NBPF26: variants seen among roughly 807,000 people sequenced by gnomAD.
NBPF26 encodes the protein NBPF member 26.
Under a neutral mutation model 119.6 loss-of-function variants are expected in NBPF26, and 79 were observed. The observed-to-expected ratio is 0.66, with a 90% CI of 0.55 to 0.80. NBPF26 has a LOEUF of 0.80. NBPF26 is among the 30% of genes least tolerant of loss of function. The pLI, the probability that NBPF26 is intolerant of heterozygous loss-of-function variation, is 0.00. For synonymous variants in NBPF26, 299 were observed against 457.7 expected, an observed-to-expected ratio of 0.65 and a Z score of 4.43; for missense variants, 800 against 1,198.2, an observed-to-expected ratio of 0.67 and a Z score of 4.91.
At position 120,759,054 on chromosome 1, in the gene NBPF26, C is replaced by T. The variant is rs1651105785; in HGVS notation, c.74-4574C>T. ...CTTATAGAAATAAGGTTCCTGAGGA[C>T]AGGGAGTTTATTCTGTATACTACGG... On this transcript the variant is annotated intron_variant, in intron 1 of 29. Coordinates refer to ENST00000620612, the Ensembl canonical transcript of NBPF26. Among the ~76,000 whole-genome samples, 3 of 102,412 alleles carry T rather than the reference C, an allele frequency of 2.9e-5. 1 individual carries two copies. Among genetic ancestry groups the T allele is most frequent in the Admixed American group, 2.9e-4 (3 of 10,350 alleles). The allele number at this position is 102,412 out of a possible 152,430, so 67.2% of individuals were successfully genotyped here.
chr1:120,818,901 A>G (rs1482190575), intron 15 of NBPF26, among the ~76,000 whole-genome samples: 2 of 105,536 alleles, frequency 1.9e-5, no homozygotes, highest in South Asian at 5.7e-4. Flanking sequence ...ACCTCCAACT[A>G]TGTGGTCAAT....
At chr1:120,793,316 C>A in exon 4 of NBPF26, 1 of 1,404,032 alleles carries the variant, frequency 7.1e-7, no homozygotes, top group Non-Finnish European at 9.6e-7. Flanking sequence ...CATTCCAGGA[C>A]ACTGCCAGCA....
chr1:120,807,259 C>A (rs1214215630), intron 5 of NBPF26, among the ~76,000 whole-genome samples: 2 of 126,380 alleles, frequency 1.6e-5, no homozygotes, highest in East Asian at 2.0e-4. Flanking sequence ...CTACTTCATG[C>A]CCCAGTGCAG....
chr1:120,745,132 AACAAAAAAAAAAC>A (rs1650966311), intron 1 of NBPF26, among the ~76,000 whole-genome samples: 1 of 94,618 alleles, frequency 1.1e-5, no homozygotes, highest in Non-Finnish European at 1.9e-5. Flanking sequence ...AAAAAAAAAA[AACAAAAAAAAAAC>A]AAAAAAAAGT....
At chr1:120,726,083 G>GA (rs1250865150) in intron 1 of NBPF26, among the ~76,000 whole-genome samples, 1 of 101,128 alleles carries the variant, frequency 9.9e-6, no homozygotes, top group Non-Finnish European at 1.8e-5. Flanking sequence ...AAAGTGATTT[G>GA]AAAAATTAAG....
At chr1:120,820,443 TA>T (rs1322042495) in intron 15 of NBPF26, among the ~76,000 whole-genome samples, 20 of 18,514 alleles carry the variant, frequency 1.1e-3, no homozygotes, top group African/African-American at 4.2e-3. Context: ...CTTAAAGTAT[TA>T]AAAATATATA....
Position 120,801,725 on chromosome 1 carries a change from A to T in NBPF26, c.752-3831A>T, listed in dbSNP as rs1187250146. ...GTGCCTAGAGTTCCAACTACTTGGA[A>T]AGCTGAGGCAGGAGGATCGCTTGAG... On this transcript the variant is annotated intron_variant, in intron 4 of 29. Coordinates refer to ENST00000620612, the Ensembl canonical transcript of NBPF26. Among the ~76,000 whole-genome samples the T allele has an allele frequency of 3.9e-5, 4 of 103,152 alleles. 2 individuals are homozygous for T. The highest frequency in any genetic ancestry group is 2.4e-4 in the African/African-American group (4 of 16,494). 67.7% of individuals were successfully genotyped at this position (103,152 alleles called of 152,430 possible). A position where few individuals can be genotyped will look rare whatever the true frequency, so the allele number is the denominator to read the frequency against.
In NBPF26 at chr1:120,801,548, G is replaced by T. The variant is rs1371476405; in HGVS notation, c.752-4008G>T. Among the ~76,000 whole-genome samples the T allele has an allele frequency of 3.1e-5, 3 of 95,594 alleles. No homozygotes were observed. The East Asian group carries it at 6.7e-4, about 21-fold the overall frequency. The allele number at this position is 95,594 out of a possible 152,430, so 62.7% of individuals were successfully genotyped here. On this transcript the variant is annotated intron_variant, in intron 4 of 29. Transcript: ENST00000620612. ...AAAAAAAAAAAAAAAAGCATTTCAGGGCCAGGCTCAGTGGTTTACTCCTGT... is the reference window on the plus strand; with the variant it reads ...AAAAAAAAAAAAAAAAGCATTTCAGTGCCAGGCTCAGTGGTTTACTCCTGT...
chr1:120,840,585 C>T (rs1553273578), exon 30 of NBPF26: 1 of 1,461,564 alleles, frequency 6.8e-7, no homozygotes, highest in Non-Finnish European at 9.2e-7. Flanking sequence ...AGTCATATTC[C>T]CACAATAAGC....
At position 120,790,241 on chromosome 1, in the gene NBPF26, C is replaced by T; in HGVS notation, c.416-2920C>T. ...TTGTTAGCCAGAATGGTCTGGATCG[C>T]CTGACCTCATGATCCACCCGCCTCG... On this transcript the variant is annotated intron_variant, in intron 3 of 29. Coordinates refer to ENST00000620612, the Ensembl canonical transcript of NBPF26. Among the ~76,000 whole-genome samples the T allele has an allele frequency of 1.9e-5, 2 of 106,510 alleles. 1 individual carries two copies. The highest frequency in any genetic ancestry group is 4.5e-4 in the East Asian group (2 of 4,398). The allele number at this position is 106,510 out of a possible 152,430, so 69.9% of individuals were successfully genotyped here.
intron 11 of NBPF26, 97 bp from the exon 12 acceptor site, chr1:120,814,732 C>G: frequency 4.1e-6 from 3 of 723,154 alleles, no homozygotes; most frequent in East Asian, 2.5e-5. Flanking sequence ...GCTTCGAGGT[C>G]TCCTTGAGGA....
intron 23 of NBPF26, among the ~76,000 whole-genome samples, chr1:120,833,221 A>G (rs1471733656): frequency 8.6e-6 from 1 of 116,476 alleles, no homozygotes; most frequent in African/African-American, 4.8e-5. Flanking sequence ...TGGCCACTGC[A>G]TCGAATTTTG....
chr1:120,778,265 C>G (rs1190189095), intron 2 of NBPF26, among the ~76,000 whole-genome samples: 3 of 51,832 alleles, frequency 5.8e-5, no homozygotes, highest in East Asian at 4.7e-4. Flanking sequence ...ACAGCTCCCC[C>G]CTCTAGAGCT....
intron 2 of NBPF26, 62 bp from the exon 3 acceptor site, chr1:120,784,912 T>C: frequency 2.0e-6 from 2 of 1,008,510 alleles, no homozygotes; most frequent in Non-Finnish European, 2.9e-6. Context: ...ATTGTTTTAC[T>C]GTAATTTTTT....
chr1:120,767,872 A>G lies in NBPF26; in HGVS notation c.155+4163A>G, dbSNP rs1270339476. On this transcript the variant is annotated intron_variant, in intron 2 of 29. Transcript: ENST00000620612. The stretch of plus-strand genomic sequence containing the variant: ...AATTGACAAAATATGTATTTTAAGG[A>G]CATTTATTGTAGTTATTTAAAATCT... Among the ~76,000 whole-genome samples the G allele has an allele frequency of 1.1e-4, 12 of 113,180 alleles. 4 individuals carry two copies. Among genetic ancestry groups the G allele is most frequent in the African/African-American group, 2.1e-4 (4 of 18,750 alleles). The allele number at this position is 113,180 out of a possible 152,430, so 74.3% of individuals were successfully genotyped here.
intron 10 of NBPF26, among the ~76,000 whole-genome samples, chr1:120,812,932 A>C (rs1162444093): frequency 8.7e-6 from 1 of 114,410 alleles, no homozygotes; most frequent in Non-Finnish European, 1.7e-5. Context: ...AATAATAATA[A>C]TAATAATAAT....
At position 120,728,022 on chromosome 1, in the gene NBPF26, G is replaced by A. The variant is rs1185184552; in HGVS notation, c.73+3772G>A. Among the ~76,000 whole-genome samples the A allele has an allele frequency of 1.1e-4, 13 of 118,770 alleles. 2 individuals are homozygous for A. The highest frequency in any genetic ancestry group is 2.1e-4 in the Non-Finnish European group (13 of 61,300). The allele number at this position is 118,770 out of a possible 152,430, so 77.9% of individuals were successfully genotyped here. ...GATGTTCATTGTTCATGGTCACAGA[G>A]CCAATTAGAGTTGAGACTAGAATTC... On this transcript the variant is annotated intron_variant, in intron 1 of 29. Transcript: ENST00000620612.
At position 120,807,802 on chromosome 1, in the gene NBPF26, C is replaced by T. The variant is rs1272982421; in HGVS notation, c.1064+93C>T. 3.1e-5 allele frequency: 17 copies of T among 553,054 alleles called. 1 individual carries two copies. In the East Asian group the frequency reaches 4.5e-4, roughly 15 times the overall value. The allele number at this position is 553,054 out of a possible 1,614,324, so 34.3% of individuals were successfully genotyped here. On this transcript the variant is annotated intron_variant, in intron 6 of 29. Coordinates refer to ENST00000620612, the Ensembl canonical transcript of NBPF26. Reference sequence around the variant, plus strand: ...GGGGAGACGTAAGAGCTAAGCTGGGCCAGGGGAAGGGCAGGAATTGCCATG... The same window carrying T: ...GGGGAGACGTAAGAGCTAAGCTGGGTCAGGGGAAGGGCAGGAATTGCCATG...
chr1:120,801,407 G>A, intron 4 of NBPF26, among the ~76,000 whole-genome samples: 1 of 111,648 alleles, frequency 9.0e-6, no homozygotes, highest in African/African-American at 4.8e-5. Flanking sequence ...AAAAGACACT[G>A]AAATATATGC....
Sources: gnomAD v4.1 joint callset for allele counts (sites outside exome capture counted in the v4.1 genomes callset) on GRCh38, gnomAD v4.1.1 for gene constraint, MANE v1.5 for transcripts, NCBI Gene and HGNC (gene_info 2026-07-23, HGNC 2026-07-21) for gene names.